LRSAM1: variants seen among roughly 807,000 people sequenced by gnomAD.
LRSAM1 encodes the protein leucine rich repeat and sterile alpha motif containing 1, also known as E3 ubiquitin-protein ligase LRSAM1.
A neutral mutation model predicts 118.1 loss-of-function variants in LRSAM1; 96 were observed. The observed-to-expected ratio is 0.81, with a 90% CI of 0.69 to 0.96. LRSAM1 has a LOEUF of 0.96. Ranked by LOEUF, LRSAM1 falls within the 40% of genes least tolerant of loss-of-function variation. The probability of loss-of-function intolerance (pLI) is 0.00; values close to 1 mark genes in which losing one functional copy is unlikely to be tolerated. For synonymous variants in LRSAM1, 322 were observed against 364.2 expected, an observed-to-expected ratio of 0.88 and a Z score of 1.32; for missense variants, 804 against 915.5, an observed-to-expected ratio of 0.88 and a Z score of 1.57.
In LRSAM1 at chr9:127,498,611, G is replaced by A. The variant is rs117155357; in HGVS notation, c.1912+1277G>A. Among the ~76,000 whole-genome samples the A allele has an allele frequency of 2.2e-3, 330 of 152,330 alleles. 3 individuals carry two copies. In the East Asian group the frequency reaches 0.042, roughly 19 times the overall value. ...GGATCTGTGGCCACATGCAGAAAAC[G>A]GATGCCTGGGCTGCTCAGGGCTTCC... On this transcript the variant is annotated intron_variant, in intron 24 of 25. Transcript: ENST00000300417.
At chr9:127,458,032 G>T (rs1052961618) in intron 6 of LRSAM1, among the ~76,000 whole-genome samples, 1 of 150,222 alleles carries the variant, frequency 6.7e-6, no homozygotes, top group Non-Finnish European at 1.5e-5. Context: ...GAGGGTACCT[G>T]TGTGTGCACA....
intron 13 of LRSAM1, 66 bp from the exon 14 acceptor site, chr9:127,479,773 C>T: frequency 6.3e-7 from 1 of 1,583,818 alleles, no homozygotes; most frequent in East Asian, 2.2e-5. Context: ...CTCCTAACCC[C>T]AGTCAGTACC....
chr9:127,500,909 C>G lies in LRSAM1; in HGVS notation c.1913-101C>G, dbSNP rs562212344. On this transcript the variant is annotated intron_variant, in intron 24 of 25. Coordinates refer to ENST00000300417, the MANE Select transcript of LRSAM1 (RefSeq NM_001005373.4). Reference sequence around the variant, plus strand: ...TGAGAGCAGAGGCTCCCCCACCCTCCAGCTCACTCACCATGGGGATGGGCA... The same window carrying G: ...TGAGAGCAGAGGCTCCCCCACCCTCGAGCTCACTCACCATGGGGATGGGCA... 1.9e-6 allele frequency: 3 copies of G among 1,548,084 alleles called. No individual in the cohort carries two copies. In the African/African-American group the frequency reaches 4.1e-5, roughly 21 times the overall value.
At chr9:127,487,631 C>T (rs748529476) in intron 17 of LRSAM1, 45 bp from the exon 18 acceptor site, 10 of 1,579,590 alleles carry the variant, frequency 6.3e-6, no homozygotes, top group African/African-American at 2.7e-5. Context: ...AGTAGGTGCT[C>T]GGGAAACGTT....
intron 10 of LRSAM1, among the ~76,000 whole-genome samples, chr9:127,470,228 A>G (rs564367805): frequency 2.0e-5 from 3 of 152,216 alleles, no homozygotes; most frequent in African/African-American, 7.2e-5. Flanking sequence ...TTTATAAAGA[A>G]AAGAAGTTTA....
intron 21 of LRSAM1, 78 bp downstream of exon 21, chr9:127,492,975 C>A: frequency 8.5e-7 from 1 of 1,171,312 alleles, no homozygotes; most frequent in Non-Finnish European, 1.3e-6. Flanking sequence ...TTAGAAACAC[C>A]TGTTATTCAA....
chr9:127,455,044 A>G lies in LRSAM1; in HGVS notation c.119A>G (p.Glu40Gly). 1.2e-6 allele frequency: 2 copies of G among 1,614,124 alleles called. No homozygotes were observed. The highest frequency in any genetic ancestry group is 1.1e-5 in the South Asian group (1 of 91,088). The change falls in exon 4 of 26, where the codon GAG becomes GGG. Residue 40 changes from glutamate (E) to glycine (G), a missense_variant. Glu to Gly is a moderately conservative substitution (Grantham distance 98). Coordinates refer to ENST00000300417, the MANE Select transcript of LRSAM1 (RefSeq NM_001005373.4). ...ADDILDISKC[E>G]LSEIPFGAFA... ...GACATTCTCGACATCTCTAAATGTG[A>G]GCTCTCAGAGGTAAACTGAGGATAG...
chr9:127,463,503 G>C (rs992655403), intron 9 of LRSAM1, among the ~76,000 whole-genome samples: 1 of 152,150 alleles, frequency 6.6e-6, no homozygotes, highest in African/African-American at 2.4e-5. Context: ...GCTTGTAGGT[G>C]CTGTCTTCCC....
At position 127,502,758 on chromosome 9, in the gene LRSAM1, C is replaced by G. The variant is rs772884032; in HGVS notation, c.2047-16C>G. On this transcript the variant is annotated splice_polypyrimidine_tract_variant and intron_variant, in intron 25 of 25. Coordinates refer to ENST00000300417, the MANE Select transcript of LRSAM1 (RefSeq NM_001005373.4). ...CCCGGTAGGGCCAGCCACATGCTCC[C>G]GCTCTCCCTCCCCAGGCCCAGATGA... 6.2e-7 allele frequency: 1 copy of G among 1,612,310 alleles called. No homozygotes were observed. The highest frequency in any genetic ancestry group is 1.3e-5 in the African/African-American group (1 of 74,862).
intron 17 of LRSAM1, 92 bp from the exon 18 acceptor site, chr9:127,487,584 T>G (rs1835777049): frequency 8.3e-7 from 1 of 1,207,690 alleles, no homozygotes; most frequent in Middle Eastern, 1.9e-4. Flanking sequence ...ACTGAAGAAA[T>G]GGGTTATCTT....
chr9:127,454,150 C>G (rs940609353), intron 2 of LRSAM1: 1 of 362,028 alleles, frequency 2.8e-6, no homozygotes, highest in African/African-American at 2.1e-5. Context: ...CCGTGGAACT[C>G]ACTAGAAAGA....
At position 127,487,610 on chromosome 9, in the gene LRSAM1, GC is replaced by G. The variant is rs1291351462; in HGVS notation, c.1260-64del. 8 of 1,448,530 alleles carry G rather than the reference GC, an allele frequency of 5.5e-6. No homozygotes were observed. In the African/African-American group the frequency reaches 1.1e-4, roughly 20 times the overall value. The allele number at this position is 1,448,530 out of a possible 1,614,324, so 89.7% of individuals were successfully genotyped here. On this transcript the variant is annotated intron_variant, in intron 17 of 25. Coordinates refer to ENST00000300417, the MANE Select transcript of LRSAM1 (RefSeq NM_001005373.4). ...GGGTTATCTTGATCTCCTCCAAGGG[GC>G]CTGGCACATAGTAGGTGCTCGGGAA...
chr9:127,473,956 G>A (rs780990825), intron 11 of LRSAM1, 25 bp downstream of exon 11: 11 of 1,613,918 alleles, frequency 6.8e-6, no homozygotes, highest in African/African-American at 2.7e-5. Flanking sequence ...CCTGCTGCAC[G>A]CATACATGTG....
At chr9:127,457,431 T>A in intron 6 of LRSAM1, 38 bp downstream of exon 6, 1 of 1,603,400 alleles carries the variant, frequency 6.2e-7, no homozygotes. Flanking sequence ...GGGCTCTGCA[T>A]GGGGTTCCAC....
At position 127,473,793 on chromosome 9, in the gene LRSAM1, T is replaced by G; in HGVS notation, c.620-8T>G. On this transcript the variant is annotated splice_polypyrimidine_tract_variant and splice_region_variant and intron_variant, in intron 10 of 25. Transcript: ENST00000300417. ...CCTCCTGGTCAGCTTGTGTCCCGTC[T>G]CTTACAGAGTCAGGGCTGGAATACT... 2.5e-6 allele frequency: 4 copies of G among 1,614,142 alleles called. No homozygotes were observed. Among genetic ancestry groups the G allele is most frequent in the Non-Finnish European group, 3.4e-6 (4 of 1,179,994 alleles).
At chr9:127,458,439 G>A (rs35907765) in intron 6 of LRSAM1, among the ~76,000 whole-genome samples, 13,446 of 151,340 alleles carry the variant, frequency 0.089, 914 homozygotes, top group Non-Finnish European at 0.13. Context: ...CACCAGCAGA[G>A]CATGTTGGCT....
intron 24 of LRSAM1, among the ~76,000 whole-genome samples, chr9:127,499,224 A>AAT (rs1836275572): frequency 6.6e-6 from 1 of 151,800 alleles, no homozygotes; most frequent in South Asian, 2.1e-4. Flanking sequence ...AATAAAATAA[A>AAT]ATTAGCTGGG....
Position 127,451,584 on chromosome 9 carries a change from G to A in LRSAM1, c.-274G>A. ...TGCGCTGAAGCTAGAGATTCCGAAA[G>A]GGGGTTCGGGTAGTTCGCTCCGGAG... On this transcript the variant is annotated 5_prime_UTR_variant, in exon 1 of 26. Transcript: ENST00000300417. 1.8e-6 allele frequency: 1 copy of A among 555,298 alleles called. No homozygotes were observed. Among genetic ancestry groups the A allele is most frequent in the Non-Finnish European group, 3.2e-6 (1 of 308,242 alleles). 34.4% of individuals were successfully genotyped at this position (555,298 alleles called of 1,614,324 possible).
At chr9:127,454,425 T>A in intron 2 of LRSAM1, 71 bp from the exon 3 acceptor site, 1 of 1,140,492 alleles carries the variant, frequency 8.8e-7, no homozygotes, top group African/African-American at 1.5e-5. Context: ...TCTGTGTTAC[T>A]GCACTACCTG....
Sources: allele counts gnomAD v4.1 joint callset (sites outside exome capture counted in the v4.1 genomes callset), GRCh38; gene constraint gnomAD v4.1.1; transcripts MANE v1.5; gene names NCBI Gene and HGNC (gene_info 2026-07-23, HGNC 2026-07-21).